The following PFKP variants were observed in gnomAD, a reference collection of about 807,000 sequenced individuals.
PFKP encodes ATP-dependent 6-phosphofructokinase, platelet type.
PFKP carries 101 observed loss-of-function variants against 94.3 expected under a neutral mutation model. The observed-to-expected ratio is 1.07, with a 90% CI of 0.91 to 1.26. PFKP has a LOEUF of 1.26. Among genes scored for constraint, PFKP ranks in the 50% most tolerant of loss-of-function variants. The pLI is 0.00. For missense variants in PFKP, 1,145 were observed against 1,103.3 expected (o/e 1.04, Z -0.53); for synonymous variants, 573 against 432.6 (o/e 1.32, Z -4.03).
At chr10:3,090,141 C>T (rs546785175) in intron 2 of PFKP, among the ~76,000 whole-genome samples, 309 of 152,260 alleles carry the variant, frequency 2.0e-3, no homozygotes, top group Non-Finnish European at 3.3e-3. Context: ...AAGTGGCCAT[C>T]AGTGGGTGCG....
In PFKP at chr10:3,105,381, T is replaced by TTGTCCA; in HGVS notation, c.666-11_666-6dup. 1 of 1,606,442 alleles carries TTGTCCA rather than the reference T, an allele frequency of 6.2e-7. No homozygotes were observed. Among genetic ancestry groups the TTGTCCA allele is most frequent in the Non-Finnish European group, 8.5e-7 (1 of 1,173,176 alleles). ...CTTCTGGGGTGTTGATGCTGTTGCC[T>TTGTCCA]TGTCCACATAGGTACCTGGCCCTGG... On this transcript the variant is annotated splice_polypyrimidine_tract_variant and intron_variant, in intron 6 of 21. Transcript: ENST00000381125.
intron 9 of PFKP, 90 bp from the exon 10 acceptor site, chr10:3,109,265 G>A: frequency 1.3e-6 from 2 of 1,548,584 alleles, no homozygotes; most frequent in South Asian, 1.1e-5. Context: ...GCACCTGACT[G>A]AGGTCATTGG....
intron 13 of PFKP, among the ~76,000 whole-genome samples, chr10:3,116,309 C>T (rs1836823564): frequency 6.6e-6 from 1 of 152,188 alleles, no homozygotes. Context: ...GTTCGAGCCC[C>T]ACGGGTTCTC....
chr10:3,119,957 G>T lies in PFKP; in HGVS notation c.1596G>T (p.Met532Ile). 4 of 1,614,110 alleles carry T rather than the reference G, an allele frequency of 2.5e-6. No individual in the cohort carries two copies. In the South Asian group the frequency reaches 4.4e-5, roughly 18 times the overall value. Residue 532 changes from methionine to isoleucine, a missense_variant, in exon 16 of 22, where the codon ATG becomes ATT. By Grantham distance (10) the Met-to-Ile change is conservative. This residue lies in a region of PFKP where 1,119 missense variants were observed against 1,062.8 expected (regional missense o/e 1.05). Transcript: ENST00000381125. Reference protein sequence around the residue: ...REKHEEFCVPMVMVPATVSNN... With the variant: ...REKHEEFCVPIVMVPATVSNN... ...AGCACGAGGAGTTCTGTGTCCCCAT[G>T]GTCATGGTTCCCGCTACTGTGTCCA... is the stretch of plus-strand genomic sequence containing the variant.
At chr10:3,100,674 G>A (rs1834904470) in intron 3 of PFKP, among the ~76,000 whole-genome samples, 1 of 152,082 alleles carries the variant, frequency 6.6e-6, no homozygotes, top group South Asian at 2.1e-4. Flanking sequence ...ATCCCGTACG[G>A]ATGGAGTTTT....
chr10:3,121,837 T>C (rs867982834), intron 16 of PFKP, among the ~76,000 whole-genome samples: 7 of 96,824 alleles, frequency 7.2e-5, no homozygotes, highest in Admixed American at 2.6e-4. Flanking sequence ...TTTTCTTTTT[T>C]TGGAGACAGG....
chr10:3,118,028 G>GGC (rs1007082041), intron 14 of PFKP, among the ~76,000 whole-genome samples: 3 of 152,160 alleles, frequency 2.0e-5, no homozygotes, highest in African/African-American at 7.2e-5. Context: ...TCCAGGGAGG[G>GGC]GCACAGTCTG....
At position 3,130,011 on chromosome 10, in the gene PFKP, C is replaced by T. The variant is rs761044450; in HGVS notation, c.1848+28C>T. The T allele has an allele frequency of 8.9e-5, 138 of 1,543,000 alleles. No individual in the cohort carries two copies. In the South Asian group the frequency reaches 1.1e-3, roughly 13 times the overall value. ...ATGTGACGGGGCTGGCCTCAGGGCC[C>T]GTCCCCTTGGGATCCACTGGGTGCT... On this transcript the variant is annotated intron_variant, in intron 17 of 21. Transcript: ENST00000381125.
chr10:3,108,771 C>G lies in PFKP; in HGVS notation c.941C>G (p.Pro314Arg). 6.2e-7 allele frequency: 1 copy of G among 1,613,318 alleles called. No individual in the cohort carries two copies. Among genetic ancestry groups the G allele is most frequent in the South Asian group, 1.1e-5 (1 of 91,080 alleles). The change falls in exon 9 of 22, where the codon CCT becomes CGT. Residue 314 changes from proline (P) to arginine (R), a missense_variant. This residue lies in a region of PFKP where 1,119 missense variants were observed against 1,062.8 expected (regional missense o/e 1.05). Coordinates refer to ENST00000381125, the MANE Select transcript of PFKP (RefSeq NM_002627.5). Reference protein sequence around the residue: ...ILGHVQRGGTPSAFDRILASR... With the variant: ...ILGHVQRGGTRSAFDRILASR... ...GGGCACGTGCAGAGAGGAGGGACCC[C>G]TTCGGCATTCGACAGGATCTTGGTG...
At chr10:3,099,899 T>G (rs1834814554) in intron 3 of PFKP, among the ~76,000 whole-genome samples, 1 of 142,144 alleles carries the variant, frequency 7.0e-6, no homozygotes, top group Non-Finnish European at 1.6e-5. Context: ...TGTAACTGTG[T>G]GAGTCTGGTG....
chr10:3,068,922 GT>G (rs1030408075), intron 1 of PFKP, among the ~76,000 whole-genome samples: 1 of 152,196 alleles, frequency 6.6e-6, no homozygotes, highest in African/African-American at 2.4e-5. Context: ...ACTGCACAGG[GT>G]TGGAGCGGGG....
At chr10:3,118,915 G>A (rs1837111587) in intron 15 of PFKP, 46 bp downstream of exon 15, 12 of 1,429,456 alleles carry the variant, frequency 8.4e-6, no homozygotes, top group East Asian at 4.6e-5. Flanking sequence ...TGTGAGCCGC[G>A]CCCTGTGTTG....
intron 16 of PFKP, among the ~76,000 whole-genome samples, chr10:3,121,527 G>T (rs985719529): frequency 6.6e-6 from 1 of 151,414 alleles, no homozygotes; most frequent in Non-Finnish European, 1.5e-5. Flanking sequence ...GAGAGCGGTC[G>T]CTGCAGTTAG....
chr10:3,108,149 A>G (rs1835821481), intron 8 of PFKP: 1 of 666,756 alleles, frequency 1.5e-6, no homozygotes, highest in South Asian at 1.8e-5. Flanking sequence ...ATTATAGGAC[A>G]ATGGACCGAG....
intron 2 of PFKP, among the ~76,000 whole-genome samples, chr10:3,089,693 T>C (rs1420678024): frequency 3.3e-5 from 5 of 149,472 alleles, no homozygotes; most frequent in African/African-American, 1.2e-4. Flanking sequence ...GAATTATATA[T>C]GTATTATACA....
At chr10:3,115,382 G>T (rs117270083) in intron 13 of PFKP, among the ~76,000 whole-genome samples, 512 of 45,692 alleles carry the variant, frequency 0.011, 154 homozygotes, top group East Asian at 0.064. Flanking sequence ...CCGCAGCTGA[G>T]AACAGGACTG....
chr10:3,107,700 C>A, intron 8 of PFKP: 6 of 978,142 alleles, frequency 6.1e-6, no homozygotes, highest in Non-Finnish European at 7.3e-6. Flanking sequence ...CGGCGTCTTG[C>A]TATTCCCTGT....
chr10:3,079,670 G>GGT (rs1832889341), intron 1 of PFKP, among the ~76,000 whole-genome samples: 1 of 121,664 alleles, frequency 8.2e-6, no homozygotes, highest in African/African-American at 2.8e-5. Flanking sequence ...GGTGGGGGGG[G>GGT]GGGGAAGAGG....
chr10:3,134,615 G>T (rs185152561), intron 20 of PFKP, 33 bp downstream of exon 20: 12 of 1,367,382 alleles, frequency 8.8e-6, no homozygotes, highest in Non-Finnish European at 1.3e-5. Flanking sequence ...CCACAGCCTC[G>T]TGATGCAGGC....
Sources: gnomAD v4.1 joint callset for allele counts (sites outside exome capture counted in the v4.1 genomes callset) on GRCh38, gnomAD v4.1.1 for gene constraint, gnomAD v4.1.1 regional missense constraint, MANE v1.5 for transcripts, NCBI Gene and HGNC (gene_info 2026-07-23, HGNC 2026-07-21) for gene names.